Variants in NAA25 observed in about 807,000 individuals in gnomAD.
NAA25 encodes N-terminal acetyltransferase B complex subunit NAA25.
A neutral mutation model predicts 132.5 loss-of-function variants in NAA25; 30 were observed. The ratio of observed to expected loss-of-function variants is 0.23; its 90% confidence interval spans 0.17 to 0.31. The LOEUF is 0.31. Among genes scored for constraint, NAA25 ranks in the 10% least tolerant of loss-of-function variants. NAA25 has a pLI of 1.00. For missense variants in NAA25, 771 were observed against 1,150.4 expected, an observed-to-expected ratio of 0.67 and a Z score of 4.77; for synonymous variants, 359 against 401.9, an observed-to-expected ratio of 0.89 and a Z score of 1.28.
chr12:112,072,628 G>A (rs201179666), intron 9 of NAA25, among the ~76,000 whole-genome samples: 8 of 145,770 alleles, frequency 5.5e-5, no homozygotes, highest in Non-Finnish European at 9.1e-5. Flanking sequence ...AAAAAGAAAA[G>A]AAAAAAAAAT....
At chr12:112,088,604 G>T (rs1302968388) in intron 3 of NAA25, among the ~76,000 whole-genome samples, 2 of 150,060 alleles carry the variant, frequency 1.3e-5, no homozygotes, top group African/African-American at 2.5e-5. Flanking sequence ...GACAATGAGT[G>T]CCATGACAAC....
intron 23 of NAA25, among the ~76,000 whole-genome samples, chr12:112,031,121 G>A (rs531837887): frequency 6.6e-6 from 1 of 151,946 alleles, no homozygotes; most frequent in Non-Finnish European, 1.5e-5. Context: ...CAATAATACT[G>A]TATATTTTCT....
intron 1 of NAA25, among the ~76,000 whole-genome samples, chr12:112,106,816 GGT>G (rs2079367689): frequency 2.0e-5 from 3 of 151,876 alleles, no homozygotes; most frequent in South Asian, 2.1e-4. Context: ...TAGCCGGCAT[GGT>G]GGCGGGCACC....
intron 9 of NAA25, among the ~76,000 whole-genome samples, chr12:112,072,890 G>C (rs770859362): frequency 6.6e-6 from 1 of 151,958 alleles, no homozygotes; most frequent in Non-Finnish European, 1.5e-5. Context: ...TGGGAGGCAA[G>C]ATTACACCAC....
chr12:112,108,506 C>T lies in NAA25; in HGVS notation c.58+210G>A, dbSNP rs866516649. 2.2e-4 allele frequency among the ~76,000 whole-genome samples: 33 copies of T among 152,206 alleles called. 1 individual carries two copies. The highest frequency in any genetic ancestry group is 2.0e-4 in the Admixed American group (3 of 15,296). ...CCAGCTCTGCCGACCAGCTGCTGCC[C>T]AGACCGCGCCACTACCACCCCAAGG... On this transcript the variant is annotated intron_variant, in intron 1 of 23. Transcript: ENST00000261745.
chr12:112,051,413 G>A (rs2078463406), intron 15 of NAA25, among the ~76,000 whole-genome samples: 2 of 152,190 alleles, frequency 1.3e-5, no homozygotes, highest in East Asian at 1.9e-4. Flanking sequence ...GTTTCACCAC[G>A]TTGGCCAGGC....
chr12:112,078,502 G>A, intron 6 of NAA25, 132 bp downstream of exon 6: 1 of 831,496 alleles, frequency 1.2e-6, no homozygotes, highest in East Asian at 2.6e-5. Context: ...GAGGGCTTCA[G>A]ATTTACCCAA....
chr12:112,069,987 G>T (rs940641241), intron 10 of NAA25, among the ~76,000 whole-genome samples: 4 of 150,342 alleles, frequency 2.7e-5, no homozygotes, highest in African/African-American at 9.8e-5. Context: ...AATTAGCCAG[G>T]TGTGGTGGCG....
intron 18 of NAA25, 121 bp downstream of exon 18, chr12:112,043,504 G>T: frequency 2.6e-6 from 3 of 1,152,356 alleles, no homozygotes; most frequent in Non-Finnish European, 3.7e-6. Context: ...TCTTTCTCCT[G>T]CAGAAGCCAT....
At chr12:112,041,989 T>C (rs753819657) in intron 20 of NAA25, 50 bp downstream of exon 20, 54 of 1,125,060 alleles carry the variant, frequency 4.8e-5, no homozygotes, top group Admixed American at 4.5e-4. Context: ...TTCGAAGCTA[T>C]TGCCATACAA....
intron 16 of NAA25, 125 bp downstream of exon 16, chr12:112,048,167 T>C: frequency 1.1e-6 from 1 of 892,286 alleles, no homozygotes; most frequent in Non-Finnish European, 1.7e-6. Context: ...GTTTCCCCAC[T>C]GTCTCTCTCC....
chr12:112,040,305 A>C, intron 21 of NAA25, 176 bp downstream of exon 21: 1 of 494,966 alleles, frequency 2.0e-6, no homozygotes, highest in Non-Finnish European at 3.5e-6. Context: ...ATCATCTTAG[A>C]ATTCTTGGAA....
Position 112,081,050 on chromosome 12 carries a change from C to T in NAA25, c.477+10G>A, listed in dbSNP as rs775530390. 1.9e-6 allele frequency: 3 copies of T among 1,602,292 alleles called. No homozygotes were observed. Among genetic ancestry groups the T allele is most frequent in the African/African-American group, 2.7e-5 (2 of 74,628 alleles). Reference sequence around the variant, plus strand: ...CCAAACCTCAATCCCATTCTGAATGCCATACTCACTTGCATAATTAAGCTC... The same window carrying T: ...CCAAACCTCAATCCCATTCTGAATGTCATACTCACTTGCATAATTAAGCTC... On this transcript the variant is annotated intron_variant, in intron 5 of 23. Transcript: ENST00000261745.
chr12:112,064,555 T>G (rs1338009287), intron 11 of NAA25, among the ~76,000 whole-genome samples: 1 of 152,176 alleles, frequency 6.6e-6, no homozygotes, highest in African/African-American at 2.4e-5. Flanking sequence ...GATTAAATGC[T>G]TCTATAGTTT....
chr12:112,103,901 C>T (rs1027025277), intron 1 of NAA25, among the ~76,000 whole-genome samples: 1 of 152,180 alleles, frequency 6.6e-6, no homozygotes, highest in Admixed American at 6.6e-5. Flanking sequence ...GTTCCTACTC[C>T]TAAGAGCTGA....
At chr12:112,048,511 A>T in intron 15 of NAA25, 68 bp from the exon 16 acceptor site, 1 of 1,382,214 alleles carries the variant, frequency 7.2e-7, no homozygotes, top group Non-Finnish European at 1.0e-6. Flanking sequence ...AAACCTTGCC[A>T]GCCAAAACAA....
rs149989264 is a variant in NAA25, at chr12:112,055,984, G to T, written c.1448-1416C>A. 4.8e-3 allele frequency among the ~76,000 whole-genome samples: 736 copies of T among 152,232 alleles called. 9 individuals are homozygous for T. The highest frequency in any genetic ancestry group is 0.017 in the African/African-American group (701 of 41,542). On this transcript the variant is annotated intron_variant, in intron 13 of 23. Transcript: ENST00000261745. ...GGAGGACAAGGCAGGGAGATGGCTT[G>T]AGCCCAGGACTTTGAGACCAGCCTG...
intron 23 of NAA25, among the ~76,000 whole-genome samples, chr12:112,030,600 GA>G (rs1477814041): frequency 6.6e-6 from 1 of 152,162 alleles, no homozygotes; most frequent in East Asian, 1.9e-4. Flanking sequence ...AAACAAAAGG[GA>G]AGGGGTGAGT....
chr12:112,100,614 C>CTTTTTTTTTTTTTTTTTT (rs71083200), intron 1 of NAA25, among the ~76,000 whole-genome samples: 1 of 100,624 alleles, frequency 9.9e-6, no homozygotes, highest in East Asian at 4.2e-4. Flanking sequence ...ATTCCATTGT[C>CTTTTTTTTTTTTTTTTTT]TTTTTTTTTT....
Sources: gnomAD v4.1 joint callset for allele counts (sites outside exome capture counted in the v4.1 genomes callset) on GRCh38, gnomAD v4.1.1 for gene constraint, MANE v1.5 for transcripts, NCBI Gene and HGNC (gene_info 2026-07-23, HGNC 2026-07-21) for gene names.